CYP24A1: variants seen among roughly 807,000 people sequenced by gnomAD.
The protein encoded by CYP24A1 is cytochrome P450 family 24 subfamily A member 1.
CYP24A1 carries 68 observed loss-of-function variants against 62.4 expected under a neutral mutation model. The ratio of observed to expected loss-of-function variants is 1.09; its 90% CI spans 0.90 to 1.33. The LOEUF is 1.33. Among genes scored for constraint, CYP24A1 ranks in the 40% most tolerant of loss-of-function variants. The pLI, the probability that CYP24A1 is intolerant of heterozygous loss-of-function variation, is 0.00. For missense variants in CYP24A1, 787 were observed against 653.0 expected, an observed-to-expected ratio of 1.21 and a Z score of -2.24; for synonymous variants, 267 against 253.0, an observed-to-expected ratio of 1.06 and a Z score of -0.52.
At chr20:54,163,869 C>G (rs144828088) in intron 6 of CYP24A1, among the ~76,000 whole-genome samples, 34 of 152,302 alleles carry the variant, frequency 2.2e-4, no homozygotes, top group African/African-American at 7.7e-4. Flanking sequence ...GGTGATTGCA[C>G]ATTTGGCCAA....
intron 2 of CYP24A1, chr20:54,171,880 C>T: frequency 8.1e-7 from 1 of 1,233,788 alleles, no homozygotes; most frequent in Non-Finnish European, 1.1e-6. Flanking sequence ...GAAAAAGCAC[C>T]TTTCCTCCTA....
At position 54,173,108 on chromosome 20, in the gene CYP24A1, G is replaced by A. The variant is rs1370494855; in HGVS notation, c.259-9C>T. ...TTCTTGTGGTACTCCACCTGCAGCC[G>A]GCCGGGCACAGCGCGGTGTCAGCGC... On this transcript the variant is annotated splice_polypyrimidine_tract_variant and intron_variant, in intron 1 of 11. Transcript: ENST00000216862. This position sits in a 1 kb window ranked among gnomAD's most constrained non-coding sequence, Gnocchi z 7.2. 4 of 1,601,444 alleles carry A rather than the reference G, an allele frequency of 2.5e-6. No individual in the cohort carries two copies. The highest frequency in any genetic ancestry group is 3.4e-6 in the Non-Finnish European group (4 of 1,179,798).
At chr20:54,171,996 G>C in intron 2 of CYP24A1, 1 of 397,232 alleles carries the variant, frequency 2.5e-6, no homozygotes, top group Non-Finnish European at 4.7e-6. Flanking sequence ...AATTCCTAGC[G>C]GTAAAAGGGG....
intron 8 of CYP24A1, 149 bp from the exon 9 acceptor site, chr20:54,158,313 T>A: frequency 6.8e-7 from 1 of 1,459,898 alleles, no homozygotes; most frequent in Non-Finnish European, 9.2e-7. Flanking sequence ...AAGAAGTTGT[T>A]TTTTTCTTCT....
At chr20:54,164,365 A>G in intron 6 of CYP24A1, 87 bp downstream of exon 6, 2 of 1,610,978 alleles carry the variant, frequency 1.2e-6, no homozygotes, top group South Asian at 1.1e-5. Flanking sequence ...GATGAGGCTC[A>G]GGAGATCACT....
intron 4 of CYP24A1, among the ~76,000 whole-genome samples, chr20:54,168,608 C>T (rs2092680706): frequency 6.6e-6 from 1 of 152,216 alleles, no homozygotes; most frequent in Non-Finnish European, 1.5e-5. Flanking sequence ...TCCTTTAGGA[C>T]TTACCTCAAA....
At chr20:54,159,577 T>C (rs2092642845) in intron 7 of CYP24A1, among the ~76,000 whole-genome samples, 1 of 152,070 alleles carries the variant, frequency 6.6e-6, no homozygotes, top group African/African-American at 2.4e-5. Context: ...GTATTTTTAG[T>C]AGAGATGGGG....
At chr20:54,167,283 T>G (rs1331093227) in intron 4 of CYP24A1, among the ~76,000 whole-genome samples, 1 of 152,212 alleles carries the variant, frequency 6.6e-6, no homozygotes, top group African/African-American at 2.4e-5. Context: ...TGTTCCACAG[T>G]GGTTGGCAGG....
At chr20:54,152,734 T>C (rs937164625), downstream of CYP24A1, among the ~76,000 whole-genome samples, 3 of 152,080 alleles carry the variant, frequency 2.0e-5, no homozygotes, top group East Asian at 1.9e-4. Flanking sequence ...GGGACCTCAG[T>C]TGATAGGGCC....
intron 5 of CYP24A1, among the ~76,000 whole-genome samples, chr20:54,164,861 C>T (rs1048357659): frequency 6.6e-6 from 1 of 150,564 alleles, no homozygotes; most frequent in Non-Finnish European, 1.5e-5. Context: ...AAAACGATAA[C>T]TTTCATATTC....
At chr20:54,149,723 C>T (rs2092609793), downstream of CYP24A1, among the ~76,000 whole-genome samples, 1 of 152,146 alleles carries the variant, frequency 6.6e-6, no homozygotes, top group African/African-American at 2.4e-5. Context: ...TCCAACCATC[C>T]ATGCTTGGAG....
At chr20:54,144,552 G>C in the CYP24A1 span, among the ~76,000 whole-genome samples, 3 of 151,094 alleles carry the variant, frequency 2.0e-5, no homozygotes, top group Non-Finnish European at 1.5e-5. Flanking sequence ...ACCACACCTG[G>C]CCTTAAAATT....
At chr20:54,144,230 T>C in the CYP24A1 span, among the ~76,000 whole-genome samples, 2 of 147,252 alleles carry the variant, frequency 1.4e-5, no homozygotes, top group African/African-American at 2.5e-5. Context: ...TTTTTTTTTT[T>C]AGACAAGGTC....
Position 54,165,759 on chromosome 20 carries a change from T to C in CYP24A1, c.715A>G (p.Ile239Val). 1 of 1,502,878 alleles carries C rather than the reference T, an allele frequency of 6.7e-7. No individual in the cohort carries two copies. Among genetic ancestry groups the C allele is most frequent in the South Asian group, 1.1e-5 (1 of 88,920 alleles). The allele number at this position is 1,502,878 out of a possible 1,614,324, so 93.1% of individuals were successfully genotyped here. Residue 239 changes from isoleucine (I) to valine (V), a missense_variant, in exon 5 of 12, where the codon ATC becomes GTC. Ile to Val is a conservative substitution (Grantham distance 29). Coordinates refer to ENST00000216862, the MANE Select transcript of CYP24A1 (RefSeq NM_000782.5). ...KNAGDEAVNF[I>V]MAIKTMMSTF... ...CTGCTTACTGTTTTGATGGCCATGA[T>C]GAAGTTCACAGCTTCATCCCCTGCA...
rs76747058 is a variant in CYP24A1 at position 54,162,799 on chromosome 20, C to G, written c.908G>C (p.Cys303Ser). 5.2e-4 allele frequency: 816 copies of G among 1,554,696 alleles called. 3 individuals carry two copies. The East Asian group carries it at 0.015, about 28-fold the overall frequency. ...AAGCCGATTCTGGTGATAAATGTCA[C>G]AAAGGAAATCTGCACTAGGCTGCTG... The part of the protein sequence containing the change: ...YSQQPSADFL[C>S]DIYHQNRLSK... Residue 303 changes from cysteine (C) to serine (S), a missense_variant, in exon 7 of 12, where the codon TGT (cysteine) becomes TCT (serine). Transcript: ENST00000216862.
intron 2 of CYP24A1, chr20:54,171,995 C>A (rs915715265): frequency 7.2e-5 from 29 of 403,456 alleles, no homozygotes; most frequent in South Asian, 6.3e-4. Flanking sequence ...CAATTCCTAG[C>A]GGTAAAAGGG....
At chr20:54,161,732 G>A (rs1158936166) in intron 7 of CYP24A1, among the ~76,000 whole-genome samples, 1 of 152,112 alleles carries the variant, frequency 6.6e-6, no homozygotes, top group Admixed American at 6.5e-5. Context: ...AGCCACCCAG[G>A]GTAAGCAGTT....
intron 8 of CYP24A1, 109 bp from the exon 9 acceptor site, chr20:54,158,273 A>C: frequency 1.9e-6 from 3 of 1,557,880 alleles, no homozygotes; most frequent in Non-Finnish European, 2.6e-6. Flanking sequence ...GTGCATACTC[A>C]AAGAGGCAGC....
chr20:54,147,514 G>C, the CYP24A1 span, among the ~76,000 whole-genome samples: 1 of 152,160 alleles, frequency 6.6e-6, no homozygotes, highest in Non-Finnish European at 1.5e-5. Context: ...GTGGGCTCAG[G>C]GGCCACACAG....
Sources: allele counts gnomAD v4.1 joint callset (sites outside exome capture counted in the v4.1 genomes callset), GRCh38; gene constraint gnomAD v4.1.1; non-coding constraint Gnocchi (gnomAD v3.1); transcripts MANE v1.5; gene names NCBI Gene and HGNC (gene_info 2026-07-23, HGNC 2026-07-21).